The following TDRD9 variants were observed in gnomAD, a reference collection of about 807,000 sequenced individuals.
The protein encoded by TDRD9 is tudor domain containing 9.
In TDRD9, 124 loss-of-function variants were observed where a neutral mutation model predicts 172.6. The observed-to-expected ratio is 0.72, with a 90% CI of 0.62 to 0.83. The LOEUF (loss-of-function observed/expected upper bound fraction) is 0.83. Among genes scored for constraint, TDRD9 ranks in the 40% least tolerant of loss-of-function variants. The pLI, the probability that TDRD9 is intolerant of heterozygous loss-of-function variation, is 0.00. For synonymous variants in TDRD9, 619 were observed against 617.1 expected, an observed-to-expected ratio of 1.00 and a Z score of -0.05; for missense variants, 1,479 against 1,714.1, an observed-to-expected ratio of 0.86 and a Z score of 2.42.
intron 2 of TDRD9, among the ~76,000 whole-genome samples, chr14:103,956,149 T>TATATATATATATATATATATATATAA (rs1566738502): frequency 2.0e-5 from 2 of 102,076 alleles, no homozygotes; most frequent in Non-Finnish European, 3.7e-5. Context: ...TATATATATA[T>TATATATATATATATATATATATATAA]AATTATTAGG....
chr14:104,021,703 A>T (rs1157429104), intron 23 of TDRD9, among the ~76,000 whole-genome samples: 1 of 152,082 alleles, frequency 6.6e-6, no homozygotes. Context: ...AAATAAATAA[A>T]TAAAAATAAA....
At position 103,966,848 on chromosome 14, in the gene TDRD9, A is replaced by G. The variant is rs756549164; in HGVS notation, c.765+17A>G. Reference sequence around the variant, plus strand: ...ATTGATGAAGTAAGTGATGTCATCTACTTGTAAAGGTCATATTTATCTCTC... The same window carrying G: ...ATTGATGAAGTAAGTGATGTCATCTGCTTGTAAAGGTCATATTTATCTCTC... On this transcript the variant is annotated intron_variant, in intron 5 of 35. Coordinates refer to ENST00000409874, the MANE Select transcript of TDRD9 (RefSeq NM_153046.3). The G allele has an allele frequency of 3.5e-5, 54 of 1,546,482 alleles. 1 individual carries two copies. The South Asian group carries it at 4.9e-4, about 14-fold the overall frequency.
intron 34 of TDRD9, among the ~76,000 whole-genome samples, chr14:104,044,970 C>G (rs2035722440): frequency 6.6e-6 from 1 of 152,098 alleles, no homozygotes; most frequent in South Asian, 2.1e-4. Flanking sequence ...TGGTAAAACC[C>G]TGTCTCTACT....
rs929833014 is a variant in TDRD9 at position 104,007,190 on chromosome 14, C to T, written c.2038C>T (p.Leu680=). The T allele has an allele frequency of 1.2e-6, 2 of 1,613,904 alleles. No homozygotes were observed. The highest frequency in any genetic ancestry group is 1.7e-6 in the Non-Finnish European group (2 of 1,179,838). The change falls in exon 19 of 36, where the codon CTG becomes TTG. Residue 680 remains leucine, a synonymous_variant. Coordinates refer to ENST00000409874, the MANE Select transcript of TDRD9 (RefSeq NM_153046.3). The part of the protein sequence containing the change: ...TWKACRQTGE[L]RYPKDELNWG... ...GAAGGCTTGCAGACAGACAGGGGAGCTGCGGTACCCGAAGGTTGGTGAGCC... is the reference window on the plus strand; with the variant it reads ...GAAGGCTTGCAGACAGACAGGGGAGTTGCGGTACCCGAAGGTTGGTGAGCC...
intron 1 of TDRD9, chr14:103,941,604 A>G (rs1207651843): frequency 1.3e-6 from 2 of 1,535,266 alleles, no homozygotes; most frequent in Non-Finnish European, 1.7e-6. Flanking sequence ...TAATTCCCGA[A>G]GCAGAGTCTT....
At chr14:103,952,216 ATATAT>A (rs1827841787) in intron 1 of TDRD9, among the ~76,000 whole-genome samples, 13 of 49,914 alleles carry the variant, frequency 2.6e-4, no homozygotes, top group Admixed American at 6.2e-4. Context: ...ATATATATAT[ATATAT>A]TTTTTTTTTT....
chr14:103,956,876 T>G (rs1472745901), intron 2 of TDRD9, among the ~76,000 whole-genome samples: 2 of 152,152 alleles, frequency 1.3e-5, no homozygotes, highest in African/African-American at 4.8e-5. Context: ...AAGTTATCTT[T>G]TGATTTTTTT....
intron 1 of TDRD9, among the ~76,000 whole-genome samples, chr14:103,936,579 A>G (rs1366280398): frequency 6.6e-6 from 1 of 152,228 alleles, no homozygotes; most frequent in Non-Finnish European, 1.5e-5. Flanking sequence ...AACAATAAAA[A>G]TCACAATATC....
Position 104,034,977 on chromosome 14 carries a change from A to G in TDRD9, c.3637A>G (p.Arg1213Gly). 1 of 1,551,676 alleles carries G rather than the reference A, an allele frequency of 6.4e-7. No individual in the cohort carries two copies. The highest frequency in any genetic ancestry group is 8.7e-7 in the Non-Finnish European group (1 of 1,146,896). ...INATGSTMLL[R>G]ETSLMPHIPG... ...TTGAACAGGATCTACGATGCTGCTG[A>G]GAGAAACCTCTCTGATGCCTCATAT... Residue 1213 changes from arginine to glycine, a missense_variant, in exon 32 of 36, where the codon AGA becomes GGA. Arg to Gly is a moderately radical substitution (Grantham distance 125). Coordinates refer to ENST00000409874, the MANE Select transcript of TDRD9 (RefSeq NM_153046.3).
At chr14:104,011,849 A>G (rs569747225) in intron 20 of TDRD9, among the ~76,000 whole-genome samples, 1 of 152,312 alleles carries the variant, frequency 6.6e-6, no homozygotes, top group Non-Finnish European at 1.5e-5. Flanking sequence ...AGAAGTAGAA[A>G]AGCTGTTATG....
chr14:104,051,940 C>G, intron 35 of TDRD9, 41 bp from the exon 36 acceptor site: 1 of 1,377,012 alleles, frequency 7.3e-7, no homozygotes, highest in Non-Finnish European at 1.0e-6. Context: ...TGGAAAAGCC[C>G]TGTCACAGAG....
chr14:103,977,408 G>A (rs1198760164), intron 7 of TDRD9, among the ~76,000 whole-genome samples: 1 of 138,578 alleles, frequency 7.2e-6, no homozygotes, highest in Non-Finnish European at 1.5e-5. Context: ...CAGGAGAATG[G>A]CATGAACCCG....
chr14:103,946,494 T>C (rs2031566409), intron 1 of TDRD9, among the ~76,000 whole-genome samples: 1 of 152,126 alleles, frequency 6.6e-6, no homozygotes, highest in Non-Finnish European at 1.5e-5. Flanking sequence ...AGGAACAAGG[T>C]GAGGTTGCCG....
At chr14:104,005,071 C>A (rs1595975211) in intron 14 of TDRD9, 1 of 427,650 alleles carries the variant, frequency 2.3e-6, no homozygotes, top group Non-Finnish European at 4.1e-6. Context: ...CTCTCCCCAT[C>A]TTTTTATTTT....
rs972003432 is a variant in TDRD9, at chr14:104,032,149, T to C, written c.3509+62T>C. On this transcript the variant is annotated intron_variant, in intron 30 of 35. Transcript: ENST00000409874. ...TCTGCTTTTCTGTTTATAGATCTCA[T>C]CAGAAAATAATGTATCTTTATATCT... The C allele has an allele frequency of 9.0e-6, 9 of 1,001,064 alleles. No individual in the cohort carries two copies. The African/African-American group carries it at 1.3e-4, about 15-fold the overall frequency. The allele number at this position is 1,001,064 out of a possible 1,614,324, so 62.0% of individuals were successfully genotyped here.
At chr14:104,010,002 A>G (rs886651692) in intron 20 of TDRD9, among the ~76,000 whole-genome samples, 11 of 150,544 alleles carry the variant, frequency 7.3e-5, no homozygotes, top group African/African-American at 1.5e-4. Flanking sequence ...GTGGAGTGCA[A>G]TGGCACAGTC....
intron 1 of TDRD9, chr14:103,940,402 T>A (rs1407977643): frequency 6.4e-6 from 1 of 156,070 alleles, no homozygotes; most frequent in Non-Finnish European, 1.4e-5. Context: ...GACTTCTCAT[T>A]TCTGTTATGT....
At chr14:104,008,709 A>G (rs2034520629) in intron 20 of TDRD9, among the ~76,000 whole-genome samples, 1 of 152,112 alleles carries the variant, frequency 6.6e-6, no homozygotes, top group Non-Finnish European at 1.5e-5. Flanking sequence ...GTATACTTTA[A>G]TGAGGAATGG....
Position 104,031,210 on chromosome 14 carries a change from C to G in TDRD9, c.3385C>G (p.Arg1129Gly), listed in dbSNP as rs1306280866. ...GAAAGACGACGAGAAATATCTCATC[C>G]GGATTTTGTTAGAGAGCTTTTCTAC... ...PMKDDEKYLI[R>G]ILLESFSTNK... The change falls in exon 29 of 36, where the codon CGG becomes GGG. Residue 1129 changes from arginine to glycine, a missense_variant. Around this residue, in one of 3 missense-constraint regions of TDRD9, gnomAD observed 1,413 missense variants for 1,649.1 expected, o/e 0.86. Transcript: ENST00000409874. The G allele has an allele frequency of 2.6e-6, 4 of 1,551,650 alleles. No homozygotes were observed. Among genetic ancestry groups the G allele is most frequent in the Non-Finnish European group, 2.6e-6 (3 of 1,146,962 alleles).
Sources: gnomAD v4.1 joint callset for allele counts (sites outside exome capture counted in the v4.1 genomes callset) on GRCh38, gnomAD v4.1.1 for gene constraint, gnomAD v4.1.1 regional missense constraint, MANE v1.5 for transcripts, NCBI Gene and HGNC (gene_info 2026-07-23, HGNC 2026-07-21) for gene names.